The following PARP4 variants were observed in gnomAD, a reference collection of about 807,000 sequenced individuals.
The protein encoded by PARP4 is poly(ADP-ribose) polymerase family member 4.
In PARP4, 120 loss-of-function variants were observed where a neutral mutation model predicts 187.7. The observed-to-expected ratio is 0.64, with a 90% confidence interval of 0.55 to 0.74. The LOEUF (loss-of-function observed/expected upper bound fraction) is 0.74. PARP4 is among the 30% of genes least tolerant of loss of function. The pLI is 0.00. For synonymous variants in PARP4, 654 were observed against 740.9 expected (o/e 0.88, Z 1.90); for missense variants, 1,836 against 2,070.5 (o/e 0.89, Z 2.20).
chr13:24,452,452 C>A lies in PARP4; in HGVS notation c.2968G>T (p.Val990Leu). The change falls in exon 24 of 34, where the codon GTG becomes TTG. Residue 990 changes from valine to leucine, a missense_variant. Physicochemically the swap from Val to Leu is conservative, Grantham distance 32. This residue lies in a region of PARP4 where 1,147 missense variants were observed against 1,214.2 expected (regional missense o/e 0.94). Coordinates refer to ENST00000381989, the MANE Select transcript of PARP4 (RefSeq NM_006437.4). ...LQDESLTLQL[V>L]KRSRPHTRLF... The stretch of plus-strand genomic sequence containing the variant: ...CTGGTGTGCGGGCGGCTCCTCTTCA[C>A]GAGCTGTAATGTCAGGCTCTCATCC... 1 of 1,614,034 alleles carries A rather than the reference C, an allele frequency of 6.2e-7. No homozygotes were observed. The highest frequency in any genetic ancestry group is 8.5e-7 in the Non-Finnish European group (1 of 1,179,980).
chr13:24,492,123 T>C (rs1159002196), intron 9 of PARP4, among the ~76,000 whole-genome samples: 1 of 152,180 alleles, frequency 6.6e-6, no homozygotes, highest in Non-Finnish European at 1.5e-5. Context: ...AGCTGCAGTT[T>C]CCCCTTTCTC....
chr13:24,473,606 G>C (rs1287218466), intron 15 of PARP4, among the ~76,000 whole-genome samples: 1 of 152,022 alleles, frequency 6.6e-6, no homozygotes, highest in African/African-American at 2.4e-5. Context: ...GTTGTTTCTT[G>C]CATCTTAAAA....
intron 17 of PARP4, 114 bp from the exon 18 acceptor site, chr13:24,460,250 A>G: frequency 1.2e-6 from 1 of 847,690 alleles, no homozygotes; most frequent in Non-Finnish European, 1.9e-6. Context: ...ATTCTTCCTC[A>G]GAAAACAGTA....
At chr13:24,484,844 T>C (rs1873470831) in intron 11 of PARP4, 96 bp from the exon 12 acceptor site, 3 of 745,006 alleles carry the variant, frequency 4.0e-6, no homozygotes, top group South Asian at 3.3e-5. Flanking sequence ...ACTTCTGGCA[T>C]TCAGAGAACT....
chr13:24,481,364 G>A (rs1334239252), intron 12 of PARP4, among the ~76,000 whole-genome samples: 1 of 152,234 alleles, frequency 6.6e-6, no homozygotes. Context: ...CATGGATCAA[G>A]GAGTAATTTC....
intron 25 of PARP4, among the ~76,000 whole-genome samples, chr13:24,448,400 T>C (rs1482682209): frequency 6.6e-6 from 1 of 151,696 alleles, no homozygotes; most frequent in African/African-American, 2.4e-5. Context: ...CGAGCAACAC[T>C]GTGTCTCAAA....
At chr13:24,511,073 C>T (rs1474165491) in intron 1 of PARP4, among the ~76,000 whole-genome samples, 2 of 152,180 alleles carry the variant, frequency 1.3e-5, no homozygotes, top group African/African-American at 4.8e-5. Context: ...CAGGTGTGAG[C>T]TGCCACGCCC....
chr13:24,424,654 G>T lies in PARP4; in HGVS notation c.4979+1812C>A, dbSNP rs540521262. On this transcript the variant is annotated intron_variant, in intron 33 of 33. Transcript: ENST00000381989. ...TCCTTAGGTACTATCCCACTAGAGAGATATAGTCAAATTATGTACTTTTTT... is the reference window on the plus strand; with the variant it reads ...TCCTTAGGTACTATCCCACTAGAGATATATAGTCAAATTATGTACTTTTTT... Among the ~76,000 whole-genome samples the T allele has an allele frequency of 8.0e-5, 12 of 150,438 alleles. No individual in the cohort carries two copies. In the South Asian group the frequency reaches 2.3e-3, roughly 29 times the overall value.
intron 24 of PARP4, 101 bp downstream of exon 24, chr13:24,452,305 G>C (rs1252015255): frequency 3.3e-6 from 3 of 922,588 alleles, no homozygotes; most frequent in Non-Finnish European, 5.0e-6. Flanking sequence ...TAAGGCTTCT[G>C]TATTCTAGTG....
At chr13:24,495,120 C>T (rs552233585) in intron 6 of PARP4, among the ~76,000 whole-genome samples, 1 of 152,272 alleles carries the variant, frequency 6.6e-6, no homozygotes, top group African/African-American at 2.4e-5. Context: ...ATCCACCCAC[C>T]TCGGCCTCCC....
chr13:24,485,989 T>C (rs1157060163), intron 11 of PARP4, among the ~76,000 whole-genome samples, 179 bp downstream of exon 11: 1 of 152,126 alleles, frequency 6.6e-6, no homozygotes, highest in African/African-American at 2.4e-5. Context: ...TGGCCATAAA[T>C]ATGTAATTTA....
intron 6 of PARP4, among the ~76,000 whole-genome samples, chr13:24,496,486 A>G (rs563944633): frequency 6.6e-6 from 1 of 152,294 alleles, no homozygotes; most frequent in Admixed American, 6.5e-5. Context: ...GTCAGAGAGC[A>G]GTGACTCATA....
intron 1 of PARP4, among the ~76,000 whole-genome samples, chr13:24,508,822 T>C (rs543769801): frequency 2.8e-4 from 41 of 147,954 alleles, no homozygotes; most frequent in African/African-American, 1.1e-3. Context: ...CCACAGACTG[T>C]ATTTTTTATC....
chr13:24,436,056 C>T (rs1870623042), intron 30 of PARP4, among the ~76,000 whole-genome samples: 1 of 152,038 alleles, frequency 6.6e-6, no homozygotes, highest in Non-Finnish European at 1.5e-5. Flanking sequence ...ATTGAAAGAC[C>T]TTCTCTCTTA....
rs568429120 is a variant in PARP4, at chr13:24,428,360, G to C, written c.4847-1762C>G. Reference sequence around the variant, plus strand: ...GCAGGCTGGTCCTAGCACCTGCTCTGCTCAGTCCACCTTCTTTCTTTGGGT... The same window carrying C: ...GCAGGCTGGTCCTAGCACCTGCTCTCCTCAGTCCACCTTCTTTCTTTGGGT... On this transcript the variant is annotated intron_variant, in intron 32 of 33. Transcript: ENST00000381989. Among the ~76,000 whole-genome samples, 6 of 152,288 alleles carry C rather than the reference G, an allele frequency of 3.9e-5. No homozygotes were observed. The East Asian group carries it at 9.6e-4, about 24-fold the overall frequency.
In PARP4 at chr13:24,490,723, G is replaced by A; in HGVS notation, c.1159C>T (p.Gln387Ter). Residue 387 changes from glutamine to a stop codon, truncating the protein, a stop_gained, in exon 10 of 34, where the codon CAG (glutamine) becomes TAG (stop). Transcript: ENST00000381989. LOFTEE classifies it high-confidence loss of function. Reference sequence around the variant, plus strand: ...ACCCTGAGAAATTCTTCAGTATTCTGTTCAACATGCTCAATTTTGCACCTC... The same window carrying A: ...ACCCTGAGAAATTCTTCAGTATTCTATTCAACATGCTCAATTTTGCACCTC... ...ALRCKIEHVE[Q>*]NTEEFLRVRK... The A allele has an allele frequency of 6.2e-7, 1 of 1,613,942 alleles. No individual in the cohort carries two copies. The highest frequency in any genetic ancestry group is 8.5e-7 in the Non-Finnish European group (1 of 1,179,878).
Position 24,459,080 on chromosome 13 carries a change from T to C in PARP4, c.2388A>G (p.Glu796=). The C allele has an allele frequency of 6.2e-7, 1 of 1,610,924 alleles. No homozygotes were observed. The highest frequency in any genetic ancestry group is 8.5e-7 in the Non-Finnish European group (1 of 1,177,750). Residue 796 remains glutamate, a synonymous_variant, in exon 20 of 34, where the codon GAA becomes GAG. Coordinates refer to ENST00000381989, the MANE Select transcript of PARP4 (RefSeq NM_006437.4). ...TMSIEMPYVI[E]FIFSDTHELK... ...GTTCATGTGTATCACTGAAAATGAA[T>C]TCAATCACATACGGCATCTCAATAG...
At chr13:24,452,923 T>C (rs2137471171) in intron 23 of PARP4, among the ~76,000 whole-genome samples, 1 of 141,908 alleles carries the variant, frequency 7.0e-6, no homozygotes, top group Non-Finnish European at 1.6e-5. Context: ...ATTTTATTAT[T>C]ATTTCATTTT....
chr13:24,458,498 T>C (rs1872007004), intron 20 of PARP4, among the ~76,000 whole-genome samples: 1 of 151,754 alleles, frequency 6.6e-6, no homozygotes, highest in African/African-American at 2.4e-5. Context: ...GGTTGTTTGA[T>C]CCAAGGAGGT....
Sources: gnomAD v4.1 joint callset for allele counts (sites outside exome capture counted in the v4.1 genomes callset) on GRCh38, gnomAD v4.1.1 for gene constraint, gnomAD v4.1.1 regional missense constraint, MANE v1.5 for transcripts, NCBI Gene and HGNC (gene_info 2026-07-23, HGNC 2026-07-21) for gene names.